ZNF226: variants seen among roughly 807,000 people sequenced by gnomAD.
ZNF226 encodes Kruppel-associated box protein.
ZNF226 carries 6 observed loss-of-function variants against 11.4 expected under a neutral mutation model. The observed-to-expected ratio is 0.53, with a 90% CI of 0.29 to 1.04. ZNF226 has a LOEUF of 1.04. ZNF226 is among the 50% of genes least tolerant of loss of function. The pLI is 0.08. For synonymous variants in ZNF226, 350 were observed against 322.8 expected, an observed-to-expected ratio of 1.08 and a Z score of -0.90; for missense variants, 1,058 against 956.5, an observed-to-expected ratio of 1.11 and a Z score of -1.40.
downstream of ZNF226, chr19:44,177,791 A>G (rs1382816568): frequency 1.7e-6 from 2 of 1,191,090 alleles, no homozygotes; most frequent in Non-Finnish European, 2.3e-6. Flanking sequence ...AATCTTTATG[A>G]TTAGCATAGC....
At chr19:44,169,954 CTT>C (rs1288715081) in intron 2 of ZNF226, 79 bp from the exon 3 acceptor site, 2 of 898,610 alleles carry the variant, frequency 2.2e-6, no homozygotes, top group Non-Finnish European at 1.6e-6. Context: ...AAGCACACAC[CTT>C]TGCTAATTCC....
intron 3 of ZNF226, 114 bp from the exon 4 acceptor site, chr19:44,171,974 C>G: frequency 7.1e-7 from 1 of 1,417,462 alleles, no homozygotes; most frequent in Non-Finnish European, 9.8e-7. Context: ...AGGAGAAGGG[C>G]TGGGAAATCT....
At chr19:44,185,634 GA>G in the ZNF226 span, among the ~76,000 whole-genome samples, 11 of 152,042 alleles carry the variant, frequency 7.2e-5, no homozygotes, top group African/African-American at 2.7e-4. Flanking sequence ...TAGAGTTGTA[GA>G]AGTTTCTTAT....
rs1479696831 is a variant in ZNF226 at position 44,172,310 on chromosome 19, T to A, written c.142+96T>A. On this transcript the variant is annotated intron_variant, in intron 4 of 5. Coordinates refer to ENST00000337433, the MANE Select transcript of ZNF226 (RefSeq NM_001032373.2). ...TTCCCTGAGTGTGGGAATCTGACTT[T>A]CCTAATTTTTGTGGGATGCAGAGAC... 8.8e-6 allele frequency: 13 copies of A among 1,485,004 alleles called. No individual in the cohort carries two copies. In the East Asian group the frequency reaches 2.9e-4, roughly 33 times the overall value. The allele number at this position is 1,485,004 out of a possible 1,614,324, so 92.0% of individuals were successfully genotyped here. A position where few individuals can be genotyped will look rare whatever the true frequency, so the allele number is the denominator to read the frequency against.
intron 2 of ZNF226, among the ~76,000 whole-genome samples, chr19:44,169,781 G>A (rs8107252): frequency 0.14 from 21,366 of 152,130 alleles, 3,824 homozygotes; most frequent in African/African-American, 0.41. Flanking sequence ...AATTTACGCT[G>A]TACTCAAAAT....
Position 44,177,002 on chromosome 19 carries a change from C to A in ZNF226, c.1740C>A (p.Ile580=). ...QSSRLQIHQL[I]HTGEKPYKCE... ...CACGACTTCAGATTCACCAGCTGAT[C>A]CATACGGGTGAGAAACCATACAAAT... The change falls in exon 6 of 6, where the codon ATC becomes ATA. Residue 580 remains isoleucine, a synonymous_variant. Transcript: ENST00000337433. 2 of 1,613,674 alleles carry A rather than the reference C, an allele frequency of 1.2e-6. No homozygotes were observed. Among genetic ancestry groups the A allele is most frequent in the Non-Finnish European group, 1.7e-6 (2 of 1,179,834 alleles).
In ZNF226 at chr19:44,176,019, C is replaced by G; in HGVS notation, c.757C>G (p.Gln253Glu). 1.2e-6 allele frequency: 2 copies of G among 1,613,846 alleles called. No homozygotes were observed. The highest frequency in any genetic ancestry group is 1.7e-6 in the Non-Finnish European group (2 of 1,179,886). The change falls in exon 6 of 6, where the codon CAG (glutamine) becomes GAG (glutamate). Residue 253 changes from glutamine to glutamate, a missense_variant. By Grantham distance (29) the Gln-to-Glu change is conservative. Coordinates refer to ENST00000337433, the MANE Select transcript of ZNF226 (RefSeq NM_001032373.2). The stretch of plus-strand genomic sequence containing the variant: ...GATTCACACAGGACAGAAATCGTAC[C>G]AGTGTAATGAGTGTAAAAAACCCTT... ...SMIHTGQKSY[Q>E]CNECKKPFSD...
Position 44,170,051 on chromosome 19 carries a change from T to G in ZNF226, c.-30T>G. The G allele has an allele frequency of 6.2e-7, 1 of 1,607,156 alleles. No individual in the cohort carries two copies. Among genetic ancestry groups the G allele is most frequent in the Non-Finnish European group, 8.5e-7 (1 of 1,176,272 alleles). On this transcript the variant is annotated 5_prime_UTR_variant, in exon 3 of 6. Coordinates refer to ENST00000337433, the MANE Select transcript of ZNF226 (RefSeq NM_001032373.2). ...CTTTCCTAGTTCAGCTTCTTAGGACTCTGCACTTCCCCAGAAGGAAGAATT... is the reference window on the plus strand; with the variant it reads ...CTTTCCTAGTTCAGCTTCTTAGGACGCTGCACTTCCCCAGAAGGAAGAATT...
chr19:44,170,101 T>C lies in ZNF226; in HGVS notation c.15+6T>C. ...TAAAAATGAATATGTTCAAGGTGAG[T>C]AGAGCTTGCCTTTCCCAGCTGTTAA... is the stretch of plus-strand genomic sequence containing the variant. On this transcript the variant is annotated splice_donor_region_variant and intron_variant, in intron 3 of 5. Transcript: ENST00000337433. 1 of 1,612,232 alleles carries C rather than the reference T, an allele frequency of 6.2e-7. No individual in the cohort carries two copies. The highest frequency in any genetic ancestry group is 8.5e-7 in the Non-Finnish European group (1 of 1,178,976).
At chr19:44,175,002 C>T in intron 5 of ZNF226, 3 of 1,610,754 alleles carry the variant, frequency 1.9e-6, no homozygotes, top group Non-Finnish European at 2.5e-6. Context: ...CTTGTAAAAG[C>T]TCTTTTGCTC....
At chr19:44,197,056 T>C in the ZNF226 span, among the ~76,000 whole-genome samples, 1 of 152,220 alleles carries the variant, frequency 6.6e-6, no homozygotes, top group Non-Finnish European at 1.5e-5. Context: ...AACCATATTG[T>C]ATATATCCTT....
At chr19:44,166,272 G>T (rs777687622) in intron 2 of ZNF226, among the ~76,000 whole-genome samples, 4 of 152,156 alleles carry the variant, frequency 2.6e-5, no homozygotes, top group African/African-American at 4.8e-5. Flanking sequence ...AGTCTGAGGC[G>T]GGCAGATCAC....
chr19:44,198,474 TATATGTC>T, the ZNF226 span, among the ~76,000 whole-genome samples: 1 of 152,264 alleles, frequency 6.6e-6, no homozygotes, highest in East Asian at 1.9e-4. Flanking sequence ...TAGAAAAATG[TATATGTC>T]ATATGTGTCA....
Position 44,170,147 on chromosome 19 carries a change from G to C in ZNF226, c.15+52G>C, listed in dbSNP as rs183742351. 9.3e-5 allele frequency: 148 copies of C among 1,588,898 alleles called. 2 individuals are homozygous for C. In the East Asian group the frequency reaches 3.3e-3, roughly 35 times the overall value. On this transcript the variant is annotated intron_variant, in intron 3 of 5. Coordinates refer to ENST00000337433, the MANE Select transcript of ZNF226 (RefSeq NM_001032373.2). ...GTTAAAAATACCATTTTAGTACTCA[G>C]AGATGGAACCAGGTTTTTCTTTTTC... is the stretch of plus-strand genomic sequence containing the variant.
chr19:44,173,850 C>T (rs1970402800), intron 5 of ZNF226: 1 of 152,102 alleles, frequency 6.6e-6, no homozygotes, highest in Non-Finnish European at 1.5e-5. Flanking sequence ...TGTGTGTAAG[C>T]ACTGATTATC....
the ZNF226 span, among the ~76,000 whole-genome samples, chr19:44,199,328 C>G: frequency 1.3e-5 from 2 of 152,034 alleles, no homozygotes; most frequent in African/African-American, 2.4e-5. Context: ...GCACGTGCCA[C>G]CACACCCAGT....
At chr19:44,177,690 C>T (rs199739965), downstream of ZNF226, 17 of 1,550,284 alleles carry the variant, frequency 1.1e-5, no homozygotes, top group South Asian at 7.6e-5. Context: ...TGTGAAGACT[C>T]GTGTCATTTG....
At chr19:44,182,718 A>G (rs778483556), downstream of ZNF226, among the ~76,000 whole-genome samples, 14 of 152,270 alleles carry the variant, frequency 9.2e-5, no homozygotes, top group South Asian at 8.3e-4. Flanking sequence ...AATGAGGATG[A>G]TGGGATCCTG....
intron 2 of ZNF226, among the ~76,000 whole-genome samples, chr19:44,166,028 A>G (rs1249284427): frequency 6.6e-6 from 1 of 152,228 alleles, no homozygotes; most frequent in Non-Finnish European, 1.5e-5. Flanking sequence ...TTGTTTGCTC[A>G]TAGCCACCTA....
Sources: gnomAD v4.1 joint callset for allele counts (sites outside exome capture counted in the v4.1 genomes callset) on GRCh38, gnomAD v4.1.1 for gene constraint, MANE v1.5 for transcripts, NCBI Gene and HGNC (gene_info 2026-07-23, HGNC 2026-07-21) for gene names.